The following IL31RA variants were observed in gnomAD, a reference collection of about 807,000 sequenced individuals.
IL31RA encodes the protein interleukin-31 receptor subunit alpha.
A neutral mutation model predicts 83.7 loss-of-function variants in IL31RA; 66 were observed. The observed-to-expected ratio is 0.79, with a 90% CI of 0.65 to 0.97. IL31RA has a LOEUF of 0.97. Ranked by LOEUF, IL31RA falls within the 50% of genes least tolerant of loss-of-function variation. IL31RA has a pLI of 0.00. For synonymous variants in IL31RA, 325 were observed against 329.0 expected, an observed-to-expected ratio of 0.99 and a Z score of 0.13; for missense variants, 798 against 919.4, an observed-to-expected ratio of 0.87 and a Z score of 1.71.
At chr5:55,850,798 T>A (rs1354939077), upstream of IL31RA, among the ~76,000 whole-genome samples, 1 of 152,228 alleles carries the variant, frequency 6.6e-6, no homozygotes, top group Non-Finnish European at 1.5e-5. Context: ...AAACACTGAA[T>A]TAGAAAATAC....
intron 5 of IL31RA, among the ~76,000 whole-genome samples, chr5:55,888,533 A>G (rs1239829890): frequency 6.6e-6 from 1 of 152,206 alleles, no homozygotes; most frequent in Non-Finnish European, 1.5e-5. Context: ...AGAATATTAT[A>G]TATTTTTTAA....
rs912075707 is a variant in IL31RA at position 55,918,805 on chromosome 5, C to T, written c.*1685C>T. 6.6e-6 allele frequency among the ~76,000 whole-genome samples: 1 copy of T among 152,098 alleles called. No individual in the cohort carries two copies. Among genetic ancestry groups the T allele is most frequent in the African/African-American group, 2.4e-5 (1 of 41,374 alleles). ...TCCAGCGGCTGCAGCCACCCCCCCA[C>T]CACCCACCCAGGACTCAGTACTCCT... On this transcript the variant is annotated 3_prime_UTR_variant, in exon 15 of 15. Coordinates refer to ENST00000652347, the MANE Select transcript of IL31RA (RefSeq NM_139017.7).
chr5:55,849,685 C>T (rs1745008519), upstream of IL31RA, among the ~76,000 whole-genome samples: 1 of 152,086 alleles, frequency 6.6e-6, no homozygotes, highest in African/African-American at 2.4e-5. Context: ...TGGAAATATC[C>T]CTCCTTGAGC....
chr5:55,896,400 G>A lies in IL31RA; in HGVS notation c.823G>A (p.Gly275Arg). ...AGTCCTGAAACCAGCTGAGGCGGAT[G>A]GAAGAAGGCCAGTGCGGTTGTTATG... ...WRVLKPAEAD[G>R]RRPVRLLWKK... Residue 275 changes from glycine (G) to arginine (R), a missense_variant, in exon 7 of 15, where the codon GGA becomes AGA. Physicochemically the swap from Gly to Arg is moderately radical, Grantham distance 125. Coordinates refer to ENST00000652347, the MANE Select transcript of IL31RA (RefSeq NM_139017.7). 1.2e-6 allele frequency: 2 copies of A among 1,613,630 alleles called. No individual in the cohort carries two copies. Among genetic ancestry groups the A allele is most frequent in the Non-Finnish European group, 1.7e-6 (2 of 1,179,652 alleles).
At position 55,897,976 on chromosome 5, in the gene IL31RA, C is replaced by T. The variant is rs1039781191; in HGVS notation, c.852+1547C>T. Among the ~76,000 whole-genome samples, 15 of 152,184 alleles carry T rather than the reference C, an allele frequency of 9.9e-5. No homozygotes were observed. In the South Asian group the frequency reaches 1.5e-3, roughly 15 times the overall value. On this transcript the variant is annotated intron_variant, in intron 7 of 14. Coordinates refer to ENST00000652347, the MANE Select transcript of IL31RA (RefSeq NM_139017.7). ...CAATTACCTCAGGGTTGGAGGCTCC[C>T]GCACCATCGCCCACTCCCTCCACAC...
At chr5:55,886,265 T>C (rs1199240071) in intron 5 of IL31RA, among the ~76,000 whole-genome samples, 7 of 137,966 alleles carry the variant, frequency 5.1e-5, no homozygotes, top group Non-Finnish European at 9.1e-5. Flanking sequence ...GCTTGCTTGC[T>C]TGCTTTTTTT....
intron 6 of IL31RA, among the ~76,000 whole-genome samples, chr5:55,893,807 TA>T (rs1748160660): frequency 1.5e-5 from 2 of 133,548 alleles, no homozygotes; most frequent in African/African-American, 6.4e-5. Context: ...GCCTATGAGA[TA>T]ATTTTTTTTT....
At chr5:55,843,691 G>C in the IL31RA span, among the ~76,000 whole-genome samples, 3 of 152,102 alleles carry the variant, frequency 2.0e-5, no homozygotes, top group Non-Finnish European at 4.4e-5. Context: ...TCTTCTTGGA[G>C]AATTGGCCCC....
chr5:55,846,049 T>C, the IL31RA span, among the ~76,000 whole-genome samples: 1 of 152,174 alleles, frequency 6.6e-6, no homozygotes, highest in African/African-American at 2.4e-5. Context: ...GATTTAACAA[T>C]GATAATTCAG....
At chr5:55,881,447 G>A (rs140241647) in intron 4 of IL31RA, among the ~76,000 whole-genome samples, 9 of 152,194 alleles carry the variant, frequency 5.9e-5, no homozygotes, top group East Asian at 1.9e-4. Flanking sequence ...ACTTTTCTGC[G>A]CCTTGGGTTT....
chr5:55,859,783 C>T (rs910026514), intron 2 of IL31RA, among the ~76,000 whole-genome samples, 184 bp downstream of exon 2: 4 of 152,214 alleles, frequency 2.6e-5, no homozygotes, highest in Admixed American at 2.6e-4. Context: ...CACATATACT[C>T]ATGCATGTGC....
At chr5:55,879,036 A>G (rs975082125) in intron 4 of IL31RA, among the ~76,000 whole-genome samples, 5 of 152,088 alleles carry the variant, frequency 3.3e-5, no homozygotes, top group Admixed American at 3.3e-4. Context: ...GTATGTCTGC[A>G]TACATAATCT....
In IL31RA at chr5:55,920,144, G is replaced by T. The variant is rs995808971; in HGVS notation, c.*3024G>T. Among the ~76,000 whole-genome samples the T allele has an allele frequency of 2.6e-5, 4 of 152,216 alleles. No homozygotes were observed. Among genetic ancestry groups the T allele is most frequent in the Admixed American group, 2.6e-4 (4 of 15,284 alleles). On this transcript the variant is annotated 3_prime_UTR_variant, in exon 15 of 15. Coordinates refer to ENST00000652347, the MANE Select transcript of IL31RA (RefSeq NM_139017.7). ...GGAGGCAGCGGTGTGAAAACACCACGCAAGGGTCTGGAGGAGGCAGGAGAT... is the reference window on the plus strand; with the variant it reads ...GGAGGCAGCGGTGTGAAAACACCACTCAAGGGTCTGGAGGAGGCAGGAGAT...
At chr5:55,877,060 T>G (rs1156627236) in intron 4 of IL31RA, among the ~76,000 whole-genome samples, 1 of 152,224 alleles carries the variant, frequency 6.6e-6, no homozygotes. Flanking sequence ...TTTTTCATTA[T>G]TGTCTTCTTT....
Position 55,890,114 on chromosome 5 carries a change from A to C in IL31RA, c.751A>C (p.Met251Leu), listed in dbSNP as rs763985823. 6.2e-7 allele frequency: 1 copy of C among 1,613,904 alleles called. No individual in the cohort carries two copies. Among genetic ancestry groups the C allele is most frequent in the Non-Finnish European group, 8.5e-7 (1 of 1,179,826 alleles). ...KFWSDWSQEK[M>L]GMTEEEAPCG... ...CTGGAGTGACTGGAGCCAAGAAAAA[A>C]TGGGAATGACTGAGGAAGAAGGCAA... is the stretch of plus-strand genomic sequence containing the variant. Residue 251 changes from methionine to leucine, a missense_variant, in exon 6 of 15, where the codon ATG (methionine) becomes CTG (leucine). Physicochemically the swap from Met to Leu is conservative, Grantham distance 15 (BLOSUM62 2). Coordinates refer to ENST00000652347, the MANE Select transcript of IL31RA (RefSeq NM_139017.7).
intron 10 of IL31RA, 61 bp from the exon 11 acceptor site, chr5:55,908,204 G>T: frequency 3.1e-6 from 5 of 1,609,316 alleles, no homozygotes; most frequent in Admixed American, 1.7e-5. Flanking sequence ...GGGCCTTTGT[G>T]GGGGAACGAT....
intron 1 of IL31RA, chr5:55,853,602 G>GATCA (rs1745187663): frequency 6.5e-7 from 1 of 1,545,456 alleles, no homozygotes; most frequent in East Asian, 2.4e-5. Flanking sequence ...GTGATAGTTT[G>GATCA]ATCATCTTTT....
At chr5:55,879,472 A>C (rs1371304948) in intron 4 of IL31RA, among the ~76,000 whole-genome samples, 8 of 98,472 alleles carry the variant, frequency 8.1e-5, no homozygotes. Context: ...TTGCTCTATC[A>C]CCCAGGCTGG....
intron 14 of IL31RA, 92 bp downstream of exon 14, chr5:55,915,020 T>C: frequency 1.0e-6 from 1 of 974,402 alleles, no homozygotes; most frequent in Non-Finnish European, 1.6e-6. Flanking sequence ...CTGAGCTTTT[T>C]TCAAGGTTCA....
Sources: allele counts gnomAD v4.1 joint callset (sites outside exome capture counted in the v4.1 genomes callset), GRCh38; gene constraint gnomAD v4.1.1; transcripts MANE v1.5; gene names NCBI Gene and HGNC (gene_info 2026-07-23, HGNC 2026-07-21).